Variants in XPR1 observed in about 807,000 individuals in gnomAD.
The protein encoded by XPR1 is xenotropic and polytropic retrovirus receptor 1.
A neutral mutation model predicts 87.5 loss-of-function variants in XPR1; 28 were observed. That is an observed-to-expected ratio of 0.32 (90% CI 0.24 to 0.44). The LOEUF (loss-of-function observed/expected upper bound fraction) is 0.44, where lower values mean the gene tolerates loss of function less well. Ranked by LOEUF, XPR1 falls within the 20% of genes least tolerant of loss-of-function variation. The pLI is 1.00. For missense variants in XPR1, 559 were observed against 862.3 expected (o/e 0.65, Z 4.41); for synonymous variants, 300 against 306.1 (o/e 0.98, Z 0.21).
At chr1:180,703,100 T>A (rs1657408712) in intron 2 of XPR1, among the ~76,000 whole-genome samples, 1 of 152,160 alleles carries the variant, frequency 6.6e-6, no homozygotes, top group Non-Finnish European at 1.5e-5. Context: ...CTGTGTTTTT[T>A]AGTGAAGGCT....
At chr1:180,637,962 GT>G (rs1215633805) in intron 1 of XPR1, among the ~76,000 whole-genome samples, 1 of 152,094 alleles carries the variant, frequency 6.6e-6, no homozygotes, top group African/African-American at 2.4e-5. Context: ...TGTTTTTTCA[GT>G]TTATAGCCAT....
intron 1 of XPR1, among the ~76,000 whole-genome samples, chr1:180,655,377 C>T (rs1274842279): frequency 6.7e-6 from 1 of 148,736 alleles, no homozygotes; most frequent in African/African-American, 2.5e-5. Context: ...CTTTTCAATT[C>T]TGTTGATAGT....
At chr1:180,707,201 C>G (rs755517684) in intron 2 of XPR1, among the ~76,000 whole-genome samples, 1 of 152,094 alleles carries the variant, frequency 6.6e-6, no homozygotes. Flanking sequence ...TTTTAAAAAA[C>G]TTTTAAGTTC....
At chr1:180,752,566 C>G (rs1417028317) in intron 2 of XPR1, among the ~76,000 whole-genome samples, 1 of 151,882 alleles carries the variant, frequency 6.6e-6, no homozygotes, top group African/African-American at 2.4e-5. Context: ...TACCACGTTT[C>G]TTTGGAGATT....
chr1:180,854,643 T>C (rs1165328982), intron 11 of XPR1, among the ~76,000 whole-genome samples: 10 of 152,182 alleles, frequency 6.6e-5, no homozygotes, highest in Non-Finnish European at 1.5e-4. Context: ...GGAGGGGAGT[T>C]TGGCCACAGT....
At chr1:180,781,710 G>T (rs574300609) in intron 2 of XPR1, among the ~76,000 whole-genome samples, 1 of 150,724 alleles carries the variant, frequency 6.6e-6, no homozygotes, top group African/African-American at 2.4e-5. Flanking sequence ...GGGTACATGT[G>T]TACAACGTGC....
intron 1 of XPR1, among the ~76,000 whole-genome samples, chr1:180,676,532 T>G (rs1656374824): frequency 6.6e-6 from 1 of 152,216 alleles, no homozygotes; most frequent in Admixed American, 6.5e-5. Context: ...TCATTTACCT[T>G]CTGGAAATAT....
chr1:180,878,974 A>G (rs923932384), intron 13 of XPR1, among the ~76,000 whole-genome samples: 1 of 152,114 alleles, frequency 6.6e-6, no homozygotes, highest in African/African-American at 2.4e-5. Context: ...TCCAGCCATA[A>G]ACTTTCCCTT....
intron 11 of XPR1, among the ~76,000 whole-genome samples, chr1:180,842,432 T>C (rs1161129222): frequency 6.6e-6 from 1 of 152,196 alleles, no homozygotes; most frequent in Non-Finnish European, 1.5e-5. Flanking sequence ...GATGATAATA[T>C]AAGTGAGCTA....
chr1:180,788,021 A>G (rs150559383), intron 3 of XPR1, among the ~76,000 whole-genome samples, 167 bp downstream of exon 3: 17 of 152,300 alleles, frequency 1.1e-4, no homozygotes, highest in African/African-American at 3.9e-4. Context: ...TGGTTTCTCA[A>G]TGTTTAAGCT....
chr1:180,711,021 C>G (rs1657758819), intron 2 of XPR1, among the ~76,000 whole-genome samples: 1 of 150,650 alleles, frequency 6.6e-6, no homozygotes, highest in Admixed American at 6.6e-5. Flanking sequence ...AGACGGGTGG[C>G]TGCCGGGCGG....
At chr1:180,716,572 G>C (rs1331514134) in intron 2 of XPR1, among the ~76,000 whole-genome samples, 1 of 152,094 alleles carries the variant, frequency 6.6e-6, no homozygotes, top group African/African-American at 2.4e-5. Context: ...AAAAGTATAA[G>C]CTTTTGTCTC....
chr1:180,685,637 G>T (rs1310778348), intron 2 of XPR1, among the ~76,000 whole-genome samples: 1 of 152,106 alleles, frequency 6.6e-6, no homozygotes, highest in Non-Finnish European at 1.5e-5. Context: ...TGGTTGGTAA[G>T]CTATTGATTA....
chr1:180,831,328 C>G (rs142874364), intron 9 of XPR1, among the ~76,000 whole-genome samples: 54 of 149,440 alleles, frequency 3.6e-4, no homozygotes, highest in Non-Finnish European at 6.8e-4. Context: ...TTCAACTCTT[C>G]CCACCTCTTT....
intron 1 of XPR1, among the ~76,000 whole-genome samples, chr1:180,644,260 T>C (rs1655041832): frequency 6.6e-6 from 1 of 152,210 alleles, no homozygotes; most frequent in Non-Finnish European, 1.5e-5. Context: ...TTAATGCTGT[T>C]AGGCCAGTGT....
chr1:180,683,085 T>C (rs1182028290), intron 2 of XPR1, among the ~76,000 whole-genome samples: 1 of 152,092 alleles, frequency 6.6e-6, no homozygotes, highest in Non-Finnish European at 1.5e-5. Context: ...ACTCGTCGTT[T>C]AGCATTAGGT....
At chr1:180,753,213 T>C (rs1647598101) in intron 2 of XPR1, among the ~76,000 whole-genome samples, 2 of 152,176 alleles carry the variant, frequency 1.3e-5, no homozygotes, top group African/African-American at 2.4e-5. Context: ...GTCGTAGAAA[T>C]TCAGCAAATA....
chr1:180,649,243 C>G (rs4589068), intron 1 of XPR1, among the ~76,000 whole-genome samples: 125,296 of 151,536 alleles, frequency 0.83, 52,457 homozygotes, highest in African/African-American at 0.95. Flanking sequence ...GCCTAAGACA[C>G]TGAAACCCCA....
chr1:180,847,132 A>C (rs1344280014), intron 11 of XPR1, among the ~76,000 whole-genome samples: 1 of 152,222 alleles, frequency 6.6e-6, no homozygotes, highest in Non-Finnish European at 1.5e-5. Flanking sequence ...TCTACACAAC[A>C]CATTTCATAG....
Sources: gnomAD v4.1 joint callset for allele counts (sites outside exome capture counted in the v4.1 genomes callset) on GRCh38, gnomAD v4.1.1 for gene constraint, MANE v1.5 for transcripts, NCBI Gene and HGNC (gene_info 2026-07-23, HGNC 2026-07-21) for gene names.